DYRK4: variants seen among roughly 807,000 people sequenced by gnomAD.
The protein encoded by DYRK4 is dual specificity tyrosine-phosphorylation-regulated kinase 4.
DYRK4 carries 64 observed loss-of-function variants against 68.3 expected under a neutral mutation model. The ratio of observed to expected loss-of-function variants is 0.94; its 90% CI spans 0.77 to 1.15. The LOEUF (loss-of-function observed/expected upper bound fraction) is 1.15, where lower values mean the gene tolerates loss of function less well. Among genes scored for constraint, DYRK4 ranks in the 50% most tolerant of loss-of-function variants. The probability of loss-of-function intolerance (pLI) is 0.00; values close to 1 mark genes in which losing one functional copy is unlikely to be tolerated. For missense variants in DYRK4, 740 were observed against 764.7 expected (o/e 0.97, Z 0.38); for synonymous variants, 274 against 289.9 (o/e 0.95, Z 0.56).
At chr12:4,605,163 C>T (rs1591806355) in intron 11 of DYRK4, 77 bp downstream of exon 11, 2 of 1,358,368 alleles carry the variant, frequency 1.5e-6, no homozygotes, top group Non-Finnish European at 2.0e-6. Context: ...ACCAGACTCG[C>T]CCAGGACCAT....
chr12:4,581,774 C>T (rs954888473), intron 2 of DYRK4, among the ~76,000 whole-genome samples: 1 of 152,186 alleles, frequency 6.6e-6, no homozygotes, highest in Non-Finnish European at 1.5e-5. Context: ...TCCCTCTCAC[C>T]TTCTTTTCCT....
chr12:4,604,915 A>C lies in DYRK4; in HGVS notation c.1128A>C (p.Val376=). 6.2e-7 allele frequency: 1 copy of C among 1,605,762 alleles called. No individual in the cohort carries two copies. The highest frequency in any genetic ancestry group is 2.3e-5 in the East Asian group (1 of 44,414). ...GTTTCTCTTACTTTGCCTCCGCAGT[A>C]TACACGTACATCCAAAGCCGGTTCT... is the stretch of plus-strand genomic sequence containing the variant. ...FGSSCYEHQK[V]YTYIQSRFYR... Residue 376 remains valine (V), a splice_region_variant and synonymous_variant, in exon 11 of 15, where the codon GTA becomes GTC. Coordinates refer to ENST00000543431, the MANE Select transcript of DYRK4 (RefSeq NM_001394779.1).
chr12:4,565,676 A>T (rs1329469803), intron 1 of DYRK4, among the ~76,000 whole-genome samples: 1 of 150,164 alleles, frequency 6.7e-6, no homozygotes, highest in Non-Finnish European at 1.5e-5. Flanking sequence ...CCCAGGCTGG[A>T]GTGCAGTGGT....
intron 8 of DYRK4, chr12:4,597,218 G>A (rs894615013): frequency 1.2e-4 from 111 of 921,314 alleles, no homozygotes; most frequent in Non-Finnish European, 1.4e-4. Flanking sequence ...ATAGATTGGC[G>A]TGGCCTGGCT....
rs770701789 is a variant in DYRK4, at chr12:4,613,574, C to T, written c.1726C>T (p.His576Tyr). Reference sequence around the variant, plus strand: ...AGATAGCCCCACGAAGCATGTTCAGCATTCAGGTGATCAGCAGGACTGTCT... The same window carrying T: ...AGATAGCCCCACGAAGCATGTTCAGTATTCAGGTGATCAGCAGGACTGTCT... ...TKDSPTKHVQ[H>Y]SGDQQDCLQH... Residue 576 changes from histidine to tyrosine, a missense_variant, in exon 15 of 15, where the codon CAT (histidine) becomes TAT (tyrosine). By Grantham distance (83) the His-to-Tyr change is moderately conservative. Coordinates refer to ENST00000543431, the MANE Select transcript of DYRK4 (RefSeq NM_001394779.1). This position sits in a 1 kb window ranked among gnomAD's most constrained non-coding sequence, Gnocchi z 4.0. 6 of 1,614,018 alleles carry T rather than the reference C, an allele frequency of 3.7e-6. No individual in the cohort carries two copies. Among genetic ancestry groups the T allele is most frequent in the Non-Finnish European group, 5.1e-6 (6 of 1,179,996 alleles).
chr12:4,599,280 T>G (rs969942584), intron 9 of DYRK4, 114 bp downstream of exon 9: 13 of 1,145,626 alleles, frequency 1.1e-5, no homozygotes, highest in South Asian at 8.0e-5. Flanking sequence ...CTTTTTTTTT[T>G]TTTTTTTTTT....
At position 4,591,343 on chromosome 12, in the gene DYRK4, G is replaced by GGTC; in HGVS notation, c.463+47_463+49dup. 2 of 1,603,828 alleles carry GGTC rather than the reference G, an allele frequency of 1.2e-6. No homozygotes were observed. Among genetic ancestry groups the GGTC allele is most frequent in the Non-Finnish European group, 1.7e-6 (2 of 1,175,736 alleles). ...GCAGGGTGGGGAGGTGCTTATGGAA[G>GGTC]GTCGGGGTGTTAAGAGCTAAGCTGC... is the stretch of plus-strand genomic sequence containing the variant. On this transcript the variant is annotated intron_variant, in intron 5 of 14. Transcript: ENST00000543431. This position sits in a 1 kb window ranked among gnomAD's most constrained non-coding sequence, Gnocchi z 4.1.
At position 4,593,174 on chromosome 12, in the gene DYRK4, G is replaced by T; in HGVS notation, c.627+9G>T. 2 of 1,612,632 alleles carry T rather than the reference G, an allele frequency of 1.2e-6. No homozygotes were observed. The highest frequency in any genetic ancestry group is 2.2e-5 in the South Asian group (2 of 90,990). On this transcript the variant is annotated intron_variant, in intron 6 of 14. Transcript: ENST00000543431. ...ATGGCTTCTATCTGAAGGTGATGGG[G>T]GTGGGGGCCATGGGAACCTGCAGGG...
chr12:4,565,971 G>A (rs1944672274), intron 1 of DYRK4, among the ~76,000 whole-genome samples: 2 of 152,144 alleles, frequency 1.3e-5, no homozygotes, highest in Non-Finnish European at 2.9e-5. Flanking sequence ...TGAAGTAAAG[G>A]AAGGCAACAC....
intron 8 of DYRK4, 42 bp from the exon 9 acceptor site, chr12:4,598,981 ATATGT>A: frequency 6.2e-7 from 1 of 1,607,588 alleles, no homozygotes; most frequent in South Asian, 1.1e-5. Flanking sequence ...ACTCAGCCTT[ATATGT>A]TTTTTTACAC....
Position 4,568,018 on chromosome 12 carries a change from A to G in DYRK4, c.102A>G (p.Ala34=), listed in dbSNP as rs1439115416. 4 of 1,536,180 alleles carry G rather than the reference A, an allele frequency of 2.6e-6. No homozygotes were observed. Among genetic ancestry groups the G allele is most frequent in the Non-Finnish European group, 3.5e-6 (4 of 1,146,916 alleles). Residue 34 remains alanine, a synonymous_variant, in exon 2 of 15, where the codon GCA becomes GCG. Transcript: ENST00000543431. ...CDLTPFLVLK[A]RKKQKFTSAK... is the part of the protein sequence containing the mutation. Reference sequence around the variant, plus strand: ...TGACTCCCTTCCTGGTTTTGAAAGCAAGAAAGAAACAAAAGTTCACCTCTG... The same window carrying G: ...TGACTCCCTTCCTGGTTTTGAAAGCGAGAAAGAAACAAAAGTTCACCTCTG...
intron 2 of DYRK4, among the ~76,000 whole-genome samples, chr12:4,570,362 GTGTT>G (rs1944719269): frequency 6.6e-6 from 1 of 152,176 alleles, no homozygotes; most frequent in African/African-American, 2.4e-5. Context: ...TAAAACTACT[GTGTT>G]TGTATTGCTA....
chr12:4,575,556 G>GT (rs1468754710), intron 2 of DYRK4, among the ~76,000 whole-genome samples: 1 of 151,938 alleles, frequency 6.6e-6, no homozygotes, highest in African/African-American at 2.4e-5. Context: ...TGATCCACCC[G>GT]CCCCGACCTC....
At chr12:4,588,880 A>G in intron 2 of DYRK4, 57 bp from the exon 3 acceptor site, 1 of 1,483,702 alleles carries the variant, frequency 6.7e-7, no homozygotes, top group South Asian at 1.2e-5. Context: ...ACAAAAATAT[A>G]CAGTGTGGGA....
intron 2 of DYRK4, among the ~76,000 whole-genome samples, chr12:4,573,641 T>C (rs193198813): frequency 9.7e-4 from 147 of 152,276 alleles, no homozygotes; most frequent in African/African-American, 3.3e-3. Context: ...GTGTGTGTTA[T>C]AGCAGTGTTT....
intron 8 of DYRK4, 32 bp from the exon 9 acceptor site, chr12:4,598,996 C>A (rs201417787): frequency 1.9e-6 from 3 of 1,612,340 alleles, no homozygotes; most frequent in Non-Finnish European, 2.5e-6. Context: ...TTTTTTTACA[C>A]CCATATGCAT....
chr12:4,607,244 G>T (rs961461650), intron 11 of DYRK4, 83 bp from the exon 12 acceptor site: 3 of 1,537,008 alleles, frequency 2.0e-6, no homozygotes, highest in Admixed American at 3.4e-5. Flanking sequence ...AGAAGGCAAA[G>T]CTTGGCCAAA....
intron 8 of DYRK4, 36 bp from the exon 9 acceptor site, chr12:4,598,992 T>C (rs1945049473): frequency 3.1e-6 from 5 of 1,610,600 alleles, no homozygotes; most frequent in African/African-American, 1.3e-5. Flanking sequence ...TATGTTTTTT[T>C]ACACCCATAT....
intron 12 of DYRK4, among the ~76,000 whole-genome samples, chr12:4,607,633 G>A (rs1945168846): frequency 6.6e-6 from 1 of 152,180 alleles, no homozygotes; most frequent in South Asian, 2.1e-4. Flanking sequence ...CCAGGTCCCT[G>A]CTCAGAAGAG....
Sources: allele counts gnomAD v4.1 joint callset (sites outside exome capture counted in the v4.1 genomes callset), GRCh38; gene constraint gnomAD v4.1.1; non-coding constraint Gnocchi (gnomAD v3.1); transcripts MANE v1.5; gene names NCBI Gene and HGNC (gene_info 2026-07-23, HGNC 2026-07-21).